Variants in ULK4 observed in about 807,000 individuals in gnomAD.
ULK4 encodes the protein inactive serine/threonine-protein kinase ULK4.
A neutral mutation model predicts 160.6 loss-of-function variants in ULK4; 133 were observed. That is an observed-to-expected ratio of 0.83 (90% CI 0.72 to 0.96). The LOEUF is 0.96. ULK4 is among the 40% of genes least tolerant of loss of function. The pLI is 0.00. For missense variants in ULK4, 1,580 were observed against 1,499.5 expected (o/e 1.05, Z -0.89); for synonymous variants, 534 against 539.8 (o/e 0.99, Z 0.15).
intron 27 of ULK4, among the ~76,000 whole-genome samples, chr3:41,682,237 A>G (rs539345604): frequency 1.1e-4 from 17 of 152,340 alleles, no homozygotes; most frequent in African/African-American, 4.1e-4. Flanking sequence ...AATAACTATG[A>G]CAAGTTCGTC....
At chr3:41,350,859 C>A (rs2080895514) in intron 35 of ULK4, among the ~76,000 whole-genome samples, 1 of 152,188 alleles carries the variant, frequency 6.6e-6, no homozygotes, top group Non-Finnish European at 1.5e-5. Flanking sequence ...CCTTCAGGTT[C>A]TCTTCTTCCA....
chr3:41,901,347 T>A (rs192211585), intron 12 of ULK4, among the ~76,000 whole-genome samples: 1 of 151,506 alleles, frequency 6.6e-6, no homozygotes, highest in African/African-American at 2.4e-5. Context: ...GCCTGGCTAA[T>A]TTTTTTGTAT....
intron 31 of ULK4, among the ~76,000 whole-genome samples, chr3:41,614,494 T>C (rs536483300): frequency 1.3e-5 from 2 of 152,360 alleles, no homozygotes; most frequent in African/African-American, 4.8e-5. Flanking sequence ...ACATCTCCGT[T>C]AGAGAGCTCT....
chr3:41,637,199 C>T (rs1043461831), intron 30 of ULK4, among the ~76,000 whole-genome samples: 5 of 152,180 alleles, frequency 3.3e-5, no homozygotes, highest in African/African-American at 1.2e-4. Flanking sequence ...CCCCAACCTT[C>T]TACCTCCTTC....
intron 33 of ULK4, among the ~76,000 whole-genome samples, chr3:41,456,038 T>A (rs888393961): frequency 2.6e-5 from 4 of 152,094 alleles, no homozygotes; most frequent in African/African-American, 9.7e-5. Flanking sequence ...GCCTCCTGAG[T>A]AGCTAAGATT....
chr3:41,469,557 C>A, intron 32 of ULK4, among the ~76,000 whole-genome samples: 1 of 109,310 alleles, frequency 9.1e-6, no homozygotes, highest in Admixed American at 1.2e-4. Context: ...AAAGCCGGCC[C>A]ATCTACAATA....
chr3:41,687,354 GAAGA>G (rs985703651), intron 27 of ULK4, among the ~76,000 whole-genome samples: 6 of 150,382 alleles, frequency 4.0e-5, no homozygotes, highest in Non-Finnish European at 8.9e-5. Context: ...GTCTGGCGAT[GAAGA>G]GAGACTCCAT....
At chr3:41,468,576 C>T (rs1296544969) in intron 32 of ULK4, among the ~76,000 whole-genome samples, 1 of 152,214 alleles carries the variant, frequency 6.6e-6, no homozygotes, top group Non-Finnish European at 1.5e-5. Context: ...CAGATATGAA[C>T]ACTCTGATGA....
chr3:41,789,727 G>A lies in ULK4; in HGVS notation c.2127C>T (p.Tyr709=), dbSNP rs1272294883. 6.2e-7 allele frequency: 1 copy of A among 1,613,468 alleles called. No individual in the cohort carries two copies. The highest frequency in any genetic ancestry group is 8.5e-7 in the Non-Finnish European group (1 of 1,179,694). Residue 709 remains tyrosine, a synonymous_variant, in exon 21 of 37, where the codon TAC becomes TAT. Transcript: ENST00000301831. ...ACATGGCAGCGAATAAGGTCAACAT[G>A]TACTGCTGAACTTTGCAGATGGCAG... ...LASAICKVQQ[Y]MLTLFAAMLS...
chr3:41,307,665 A>G (rs2079973839), intron 35 of ULK4, among the ~76,000 whole-genome samples: 1 of 152,088 alleles, frequency 6.6e-6, no homozygotes, highest in East Asian at 1.9e-4. Context: ...CATCTCTACA[A>G]ATATATTTTA....
chr3:41,853,569 T>G lies in ULK4; in HGVS notation c.1657-17598A>C, dbSNP rs189940435. ...AAACTATGTTCTAACTGCCACAGGA[T>G]TTTTTGTTTTTCTCGAGCAGCTAAA... On this transcript the variant is annotated intron_variant, in intron 17 of 36. Transcript: ENST00000301831. 2.3e-4 allele frequency among the ~76,000 whole-genome samples: 35 copies of G among 152,240 alleles called. No homozygotes were observed. The Middle Eastern group carries it at 0.017, about 74-fold the overall frequency.
chr3:41,554,579 CAG>C (rs1349700575), intron 32 of ULK4, among the ~76,000 whole-genome samples: 3 of 152,094 alleles, frequency 2.0e-5, no homozygotes, highest in East Asian at 3.9e-4. Flanking sequence ...CGGGAGTATA[CAG>C]AGAGGTAGAC....
chr3:41,484,070 T>C (rs886080906), intron 32 of ULK4, among the ~76,000 whole-genome samples: 5 of 152,110 alleles, frequency 3.3e-5, no homozygotes, highest in African/African-American at 4.8e-5. Flanking sequence ...TATAAGGAAG[T>C]AGCGAACATA....
At chr3:41,360,696 A>G (rs1279736863) in intron 35 of ULK4, among the ~76,000 whole-genome samples, 2 of 152,200 alleles carry the variant, frequency 1.3e-5, no homozygotes, top group Admixed American at 6.5e-5. Flanking sequence ...GTTTTCAATT[A>G]TAAGTGGGAG....
At chr3:41,527,697 C>T (rs370920247) in intron 32 of ULK4, among the ~76,000 whole-genome samples, 17 of 152,112 alleles carry the variant, frequency 1.1e-4, no homozygotes, top group Non-Finnish European at 2.4e-4. Flanking sequence ...TTCATTGTAT[C>T]CTCACAATAA....
intron 35 of ULK4, among the ~76,000 whole-genome samples, chr3:41,394,896 T>C (rs1356027104): frequency 1.3e-5 from 2 of 152,078 alleles, no homozygotes; most frequent in Non-Finnish European, 2.9e-5. Context: ...GTAAACATTA[T>C]GGGCATTCTT....
At chr3:41,824,539 G>A (rs932706589) in intron 18 of ULK4, among the ~76,000 whole-genome samples, 26 of 152,174 alleles carry the variant, frequency 1.7e-4, no homozygotes, top group Non-Finnish European at 1.8e-4. Context: ...GGCTCGGAGG[G>A]TCCTACGCCC....
chr3:41,703,934 C>T (rs1225645095), intron 27 of ULK4, among the ~76,000 whole-genome samples: 3 of 151,848 alleles, frequency 2.0e-5, no homozygotes, highest in East Asian at 3.9e-4. Context: ...AGGAAACAAA[C>T]TGAAGAATTC....
At chr3:41,263,530 A>C (rs1048010886) in intron 35 of ULK4, among the ~76,000 whole-genome samples, 2 of 152,202 alleles carry the variant, frequency 1.3e-5, no homozygotes, top group Non-Finnish European at 2.9e-5. Context: ...ATCAGCCACT[A>C]AACCACTCTG....
Sources: allele counts gnomAD v4.1 joint callset (sites outside exome capture counted in the v4.1 genomes callset), GRCh38; gene constraint gnomAD v4.1.1; transcripts MANE v1.5; gene names NCBI Gene and HGNC (gene_info 2026-07-23, HGNC 2026-07-21).